Variants in STK33 observed in about 807,000 individuals in gnomAD.
STK33 encodes serine/threonine-protein kinase 33.
A neutral mutation model predicts 58.0 loss-of-function variants in STK33; 52 were observed. That is an observed-to-expected ratio of 0.90 (90% confidence interval 0.72 to 1.13). STK33 has a LOEUF of 1.13. STK33 is among the 50% of genes most tolerant of loss of function. STK33 has a pLI of 0.00. For missense variants in STK33, 630 were observed against 604.2 expected (o/e 1.04, Z -0.45); for synonymous variants, 215 against 200.1 (o/e 1.07, Z -0.63).
chr11:8,408,675 G>T (rs1212305813), intron 15 of STK33, among the ~76,000 whole-genome samples: 1 of 152,178 alleles, frequency 6.6e-6, no homozygotes, highest in Non-Finnish European at 1.5e-5. Context: ...ATCACCCCCA[G>T]GTTCAATGAG....
chr11:8,421,637 T>C (rs527555665), intron 14 of STK33, among the ~76,000 whole-genome samples: 1 of 152,316 alleles, frequency 6.6e-6, no homozygotes, highest in South Asian at 2.1e-4. Flanking sequence ...TTTGATTGTA[T>C]TTGCACTGAA....
chr11:8,428,913 T>C (rs551119773), intron 14 of STK33, among the ~76,000 whole-genome samples: 1 of 152,162 alleles, frequency 6.6e-6, no homozygotes, highest in South Asian at 2.1e-4. Context: ...TTAAATAATT[T>C]TTAGAAATTA....
chr11:8,492,534 T>A (rs1459495172), intron 1 of STK33, among the ~76,000 whole-genome samples: 1 of 152,144 alleles, frequency 6.6e-6, no homozygotes, highest in Non-Finnish European at 1.5e-5. Flanking sequence ...ATTAGACAGA[T>A]CAACGAGACA....
the STK33 span, among the ~76,000 whole-genome samples, chr11:8,347,133 A>G: frequency 6.6e-6 from 1 of 152,184 alleles, no homozygotes; most frequent in South Asian, 2.1e-4. Flanking sequence ...ACTCTCTATC[A>G]GGACTGTTTC....
rs768634610 is a variant in STK33 at position 8,473,272 on chromosome 11, G to C, written c.230C>G (p.Ser77Ter). 8 of 1,593,886 alleles carry C rather than the reference G, an allele frequency of 5.0e-6. No homozygotes were observed. The highest frequency in any genetic ancestry group is 6.8e-6 in the Non-Finnish European group (8 of 1,169,316). Residue 77 changes from serine to a stop codon, truncating the protein, a stop_gained, in exon 6 of 16, where the codon TCA becomes TGA. Transcript: ENST00000687296. LOFTEE classifies it high-confidence loss of function. ...RDITSRKDLP[S>*]RTSNVERKAS... ...TTTTCTCTCTACATTTGAGGTTCTT[G>C]AGGGCTGGGACCAAAAAAAAAATTA...
At chr11:8,496,099 A>C (rs1951036733) in intron 1 of STK33, among the ~76,000 whole-genome samples, 1 of 152,154 alleles carries the variant, frequency 6.6e-6, no homozygotes, top group African/African-American at 2.4e-5. Flanking sequence ...AAGTATAATA[A>C]AAAATTTTTT....
At chr11:8,425,876 A>T (rs377732936) in intron 14 of STK33, among the ~76,000 whole-genome samples, 1 of 152,032 alleles carries the variant, frequency 6.6e-6, no homozygotes, top group Non-Finnish European at 1.5e-5. Context: ...CCGCGGCTCA[A>T]ACCTCTAGAG....
At chr11:8,573,854 C>T (rs1441299495) in intron 1 of STK33, among the ~76,000 whole-genome samples, 1 of 152,184 alleles carries the variant, frequency 6.6e-6, no homozygotes, top group South Asian at 2.1e-4. Flanking sequence ...ATTTATATAA[C>T]ATTCTTGAAA....
chr11:8,440,941 C>T (rs903888720), intron 11 of STK33, among the ~76,000 whole-genome samples, 188 bp from the exon 12 acceptor site: 1 of 152,184 alleles, frequency 6.6e-6, no homozygotes. Flanking sequence ...AACCTCACTC[C>T]TATCATTTAG....
chr11:8,409,006 G>A (rs1216013635), intron 15 of STK33, among the ~76,000 whole-genome samples: 1 of 152,186 alleles, frequency 6.6e-6, no homozygotes, highest in Non-Finnish European at 1.5e-5. Context: ...AGGAAAGTAG[G>A]TATTCAGCAT....
intron 6 of STK33, 142 bp downstream of exon 6, chr11:8,473,021 G>A (rs553712906): frequency 2.3e-5 from 13 of 555,114 alleles, no homozygotes; most frequent in Non-Finnish European, 4.1e-5. Flanking sequence ...TAGTAAAAAT[G>A]TTAACATACT....
chr11:8,531,921 A>G (rs1023295705), intron 1 of STK33, among the ~76,000 whole-genome samples: 1 of 152,246 alleles, frequency 6.6e-6, no homozygotes, highest in African/African-American at 2.4e-5. Context: ...ATGACCCAAG[A>G]AGTAAAAAAC....
chr11:8,563,407 C>T (rs772990223), intron 1 of STK33, among the ~76,000 whole-genome samples: 3 of 152,100 alleles, frequency 2.0e-5, no homozygotes, highest in Non-Finnish European at 2.9e-5. Context: ...CTAACCCAGC[C>T]TATAACCACC....
At chr11:8,519,448 A>G (rs1351299534) in intron 1 of STK33, among the ~76,000 whole-genome samples, 6 of 152,240 alleles carry the variant, frequency 3.9e-5, no homozygotes, top group African/African-American at 1.4e-4. Context: ...AAGCAAGAGC[A>G]AACACATTCA....
intron 15 of STK33, among the ~76,000 whole-genome samples, chr11:8,395,163 G>C (rs1276919809): frequency 7.9e-5 from 12 of 152,152 alleles, no homozygotes; most frequent in African/African-American, 2.4e-4. Flanking sequence ...GATGCGGTTT[G>C]GCTGTGTCCC....
chr11:8,371,413 GA>G, the STK33 span, among the ~76,000 whole-genome samples: 4 of 152,318 alleles, frequency 2.6e-5, no homozygotes, highest in Admixed American at 6.5e-5. Flanking sequence ...TCCTGCCCAA[GA>G]AGCTTCAGAG....
intron 1 of STK33, chr11:8,565,715 C>T (rs966377517): frequency 6.6e-6 from 1 of 152,212 alleles, no homozygotes; most frequent in African/African-American, 2.4e-5. Flanking sequence ...CTCACCTTCA[C>T]GTTCATTTGT....
chr11:8,533,411 A>T (rs1323990682), intron 1 of STK33: 2 of 152,240 alleles, frequency 1.3e-5, no homozygotes, highest in African/African-American at 4.8e-5. Flanking sequence ...TTAAATACCA[A>T]AACCCAGTAA....
intron 1 of STK33, among the ~76,000 whole-genome samples, chr11:8,515,201 T>C (rs903154151): frequency 2.0e-5 from 3 of 151,634 alleles, no homozygotes; most frequent in Non-Finnish European, 4.4e-5. Flanking sequence ...AAGAGAATAC[T>C]CAAATAAAAT....
Sources: gnomAD v4.1 joint callset for allele counts (sites outside exome capture counted in the v4.1 genomes callset) on GRCh38, gnomAD v4.1.1 for gene constraint, MANE v1.5 for transcripts, NCBI Gene and HGNC (gene_info 2026-07-23, HGNC 2026-07-21) for gene names.